The following TANC1 variants were observed in gnomAD, a reference collection of about 807,000 sequenced individuals.
TANC1 encodes tetratricopeptide repeat, ankyrin repeat and coiled-coil containing 1.
In TANC1, 77 loss-of-function variants were observed where a neutral mutation model predicts 149.7. The ratio of observed to expected loss-of-function variants is 0.51; its 90% CI spans 0.43 to 0.62. The LOEUF (loss-of-function observed/expected upper bound fraction) is 0.62, where lower values mean the gene tolerates loss of function less well. Among genes scored for constraint, TANC1 ranks in the 20% least tolerant of loss-of-function variants. The probability of loss-of-function intolerance (pLI) is 0.00; values close to 1 mark genes in which losing one functional copy is unlikely to be tolerated. For missense variants in TANC1, 1,985 were observed against 2,321.8 expected, an observed-to-expected ratio of 0.85 and a Z score of 2.98; for synonymous variants, 854 against 925.0, an observed-to-expected ratio of 0.92 and a Z score of 1.39.
In TANC1 at chr2:158,975,813, C is replaced by T. The variant is rs1383877134; in HGVS notation, c.-126+7031C>T. The stretch of plus-strand genomic sequence containing the variant: ...GAACTTCTGTGAGAAAAAACATTTT[C>T]GTTATTGTTTCTTTCTTATCTTTTT... On this transcript the variant is annotated intron_variant, in intron 1 of 26. Transcript: ENST00000263635. Among the ~76,000 whole-genome samples, 10 of 149,324 alleles carry T rather than the reference C, an allele frequency of 6.7e-5. 1 individual carries two copies. The highest frequency in any genetic ancestry group is 2.0e-4 in the African/African-American group (8 of 40,476).
chr2:159,024,765 AT>A (rs1231503821), intron 2 of TANC1, among the ~76,000 whole-genome samples: 3 of 151,974 alleles, frequency 2.0e-5, no homozygotes, highest in African/African-American at 4.8e-5. Flanking sequence ...AAAAAAAAAA[AT>A]CTTTTAGATC....
At chr2:158,985,378 A>G (rs1341987052) in intron 1 of TANC1, among the ~76,000 whole-genome samples, 2 of 152,218 alleles carry the variant, frequency 1.3e-5, no homozygotes, top group African/African-American at 4.8e-5. Flanking sequence ...CAAAATTTCA[A>G]CAAATGAAGC....
chr2:159,124,046 C>T (rs1013354928), intron 4 of TANC1, among the ~76,000 whole-genome samples: 1 of 152,104 alleles, frequency 6.6e-6, no homozygotes, highest in Non-Finnish European at 1.5e-5. Flanking sequence ...CCAGACAGGC[C>T]GTGCCAGTGG....
intron 2 of TANC1, among the ~76,000 whole-genome samples, chr2:159,022,070 T>C (rs1410555251): frequency 6.6e-6 from 1 of 152,240 alleles, no homozygotes; most frequent in Non-Finnish European, 1.5e-5. Flanking sequence ...TAGAAGTTGC[T>C]TTGAAATCCT....
intron 5 of TANC1, among the ~76,000 whole-genome samples, chr2:159,138,249 T>A (rs557724466): frequency 1.3e-5 from 2 of 152,218 alleles, no homozygotes; most frequent in African/African-American, 4.8e-5. Context: ...AGAAGCAGGG[T>A]ATGTTTTCAT....
chr2:159,115,662 G>T (rs1269614824), intron 4 of TANC1, among the ~76,000 whole-genome samples: 1 of 152,142 alleles, frequency 6.6e-6, no homozygotes, highest in Non-Finnish European at 1.5e-5. Flanking sequence ...CCATATCCTG[G>T]CATACCCTTA....
chr2:159,045,105 G>A (rs2040938498), intron 2 of TANC1, among the ~76,000 whole-genome samples: 1 of 152,200 alleles, frequency 6.6e-6, no homozygotes, highest in African/African-American at 2.4e-5. Context: ...AGTCCCTGCT[G>A]TGTTGTTGTT....
At chr2:159,229,088 A>G (rs73967257) in intron 26 of TANC1, among the ~76,000 whole-genome samples, 192 bp downstream of exon 26, 1,585 of 152,024 alleles carry the variant, frequency 0.01, 20 homozygotes, top group African/African-American at 0.033. Context: ...GTAAACTTCT[A>G]TTTTCTCCTG....
At chr2:159,127,451 C>T (rs924883615) in intron 4 of TANC1, among the ~76,000 whole-genome samples, 1 of 152,230 alleles carries the variant, frequency 6.6e-6, no homozygotes, top group Non-Finnish European at 1.5e-5. Context: ...CTAGCAATCC[C>T]ATTACGAGGT....
chr2:159,096,181 C>G (rs148707609), intron 3 of TANC1, among the ~76,000 whole-genome samples: 1 of 152,220 alleles, frequency 6.6e-6, no homozygotes, highest in Admixed American at 6.5e-5. Context: ...TACATTCTTT[C>G]CCTGCACATC....
rs1407765659 is a variant in TANC1, at chr2:159,070,336, A to AT, written c.61+4365_61+4366insT. On this transcript the variant is annotated intron_variant, in intron 3 of 26. Coordinates refer to ENST00000263635, the MANE Select transcript of TANC1 (RefSeq NM_033394.3). Reference sequence around the variant, plus strand: ...AAGGTTCAGAGATTTTCCCCCACACACGCATAGCTTCCACCATTATCAACA... The same window carrying AT: ...AAGGTTCAGAGATTTTCCCCCACACATCGCATAGCTTCCACCATTATCAACA... 7.9e-5 allele frequency among the ~76,000 whole-genome samples: 12 copies of AT among 152,022 alleles called. No individual in the cohort carries two copies. In the South Asian group the frequency reaches 2.1e-3, roughly 26 times the overall value.
chr2:159,059,361 C>A (rs897771877), intron 2 of TANC1, among the ~76,000 whole-genome samples: 4 of 151,868 alleles, frequency 2.6e-5, no homozygotes. Context: ...AGCAGCTGGG[C>A]TTGGTGGTAC....
intron 3 of TANC1, among the ~76,000 whole-genome samples, chr2:159,068,798 T>C (rs1215273488): frequency 2.6e-5 from 4 of 152,172 alleles, no homozygotes; most frequent in East Asian, 1.9e-4. Flanking sequence ...AGTGCAGTTG[T>C]GCACCATCTC....
chr2:159,074,013 G>C (rs1453382469), intron 3 of TANC1, among the ~76,000 whole-genome samples: 1 of 152,200 alleles, frequency 6.6e-6, no homozygotes, highest in Non-Finnish European at 1.5e-5. Context: ...GCCATCAGGT[G>C]ACCAGCTGGG....
At chr2:159,179,519 C>T (rs1032615981) in intron 14 of TANC1, among the ~76,000 whole-genome samples, 1 of 152,074 alleles carries the variant, frequency 6.6e-6, no homozygotes, top group Non-Finnish European at 1.5e-5. Context: ...GTGAGATCAG[C>T]CCCTGGGAAC....
intron 2 of TANC1, among the ~76,000 whole-genome samples, chr2:159,019,717 G>A (rs1256747612): frequency 1.5e-5 from 2 of 131,174 alleles, no homozygotes; most frequent in Admixed American, 8.9e-5. Flanking sequence ...CACCCAGTCT[G>A]GAGTGCAGTG....
intron 11 of TANC1, among the ~76,000 whole-genome samples, chr2:159,174,300 G>A (rs915710780): frequency 2.6e-5 from 4 of 152,094 alleles, no homozygotes; most frequent in Admixed American, 2.0e-4. Context: ...TTTCCTCTCA[G>A]TACCTGGGCA....
chr2:159,205,949 T>G (rs2058576985), intron 19 of TANC1, among the ~76,000 whole-genome samples: 1 of 152,206 alleles, frequency 6.6e-6, no homozygotes. Flanking sequence ...AGATACTGGA[T>G]TTTTCAGAGG....
intron 14 of TANC1, 24 bp from the exon 15 acceptor site, chr2:159,185,767 G>A (rs1282775759): frequency 1.3e-6 from 2 of 1,572,068 alleles, no homozygotes; most frequent in Non-Finnish European, 1.7e-6. Context: ...CTTCTGCTGT[G>A]AGCCTTTGTA....
Sources: gnomAD v4.1 joint callset for allele counts (sites outside exome capture counted in the v4.1 genomes callset) on GRCh38, gnomAD v4.1.1 for gene constraint, MANE v1.5 for transcripts, NCBI Gene and HGNC (gene_info 2026-07-23, HGNC 2026-07-21) for gene names.